Variants in RYR2 observed in about 807,000 individuals in gnomAD.
The protein encoded by RYR2 is cardiac muscle ryanodine receptor-calcium release channel.
In RYR2, 227 loss-of-function variants were observed where a neutral mutation model predicts 601.1. That is an observed-to-expected ratio of 0.38 (90% CI 0.34 to 0.42). The LOEUF (loss-of-function observed/expected upper bound fraction) is 0.42. RYR2 is among the 10% of genes least tolerant of loss of function. The pLI is 1.00. For missense variants in RYR2, 4,646 were observed against 6,156.5 expected (o/e 0.75, Z 8.21); for synonymous variants, 2,223 against 2,175.1 (o/e 1.02, Z -0.61).
intron 6 of RYR2, among the ~76,000 whole-genome samples, chr1:237,373,102 T>C (rs1700768204): frequency 1.3e-5 from 2 of 152,220 alleles, no homozygotes; most frequent in Non-Finnish European, 2.9e-5. Flanking sequence ...GTCTGATTAT[T>C]GCAAAGTTGT....
intron 14 of RYR2, among the ~76,000 whole-genome samples, chr1:237,449,319 G>T (rs182874652): frequency 5.9e-5 from 9 of 151,836 alleles, no homozygotes; most frequent in Non-Finnish European, 1.3e-4. Flanking sequence ...GGTTACTTAC[G>T]GTTTATAGCA....
At chr1:237,226,871 C>T (rs1278886712) in intron 1 of RYR2, among the ~76,000 whole-genome samples, 1 of 152,096 alleles carries the variant, frequency 6.6e-6, no homozygotes, top group Non-Finnish European at 1.5e-5. Context: ...CGGGTTCAAG[C>T]GATTCTCCAG....
intron 58 of RYR2, 51 bp downstream of exon 58, chr1:237,668,009 T>A: frequency 7.1e-7 from 1 of 1,400,854 alleles, no homozygotes. Context: ...CTCAATTCCA[T>A]GAGTGTATGG....
intron 87 of RYR2, among the ~76,000 whole-genome samples, chr1:237,778,132 G>A (rs186416799): frequency 0.011 from 1,617 of 152,210 alleles, 17 homozygotes; most frequent in Middle Eastern, 0.02. Context: ...TAATAAGCAA[G>A]TATTACTCTT....
rs142445834 is a variant in RYR2 at position 237,705,057 on chromosome 1, G to A, written c.9450-156G>A. Among the ~76,000 whole-genome samples the A allele has an allele frequency of 9.3e-4, 141 of 152,222 alleles. 2 individuals carry two copies. In the East Asian group the frequency reaches 0.024, roughly 26 times the overall value. ...AATGGTGAGGATATTGCTATTGAAA[G>A]CATATGATGTTTAGCAATACAGAAA... On this transcript the variant is annotated intron_variant, in intron 66 of 104. Coordinates refer to ENST00000366574, the MANE Select transcript of RYR2 (RefSeq NM_001035.3).
intron 3 of RYR2, among the ~76,000 whole-genome samples, chr1:237,349,101 T>C (rs1167198376): frequency 6.6e-6 from 1 of 152,180 alleles, no homozygotes; most frequent in African/African-American, 2.4e-5. Context: ...ATAGTGAGAT[T>C]CAAGATTACT....
chr1:237,138,506 A>G (rs1673051435), intron 1 of RYR2, among the ~76,000 whole-genome samples: 1 of 152,078 alleles, frequency 6.6e-6, no homozygotes, highest in Non-Finnish European at 1.5e-5. Context: ...TTATTTTCTT[A>G]TATGTGGAAA....
intron 85 of RYR2, among the ~76,000 whole-genome samples, chr1:237,771,142 G>T (rs1431605848): frequency 6.6e-6 from 1 of 152,082 alleles, no homozygotes; most frequent in Non-Finnish European, 1.5e-5. Flanking sequence ...GGGTGCGGTG[G>T]CTCACCTGTA....
At chr1:237,251,023 A>C (rs1051998155) in intron 1 of RYR2, among the ~76,000 whole-genome samples, 2 of 103,606 alleles carry the variant, frequency 1.9e-5, no homozygotes, top group African/African-American at 7.1e-5. Context: ...CCAATTCCCC[A>C]ACAGATGTGT....
intron 1 of RYR2, among the ~76,000 whole-genome samples, chr1:237,073,494 CTGAGTTGAGATG>C (rs902974306): frequency 2.0e-5 from 3 of 152,282 alleles, no homozygotes; most frequent in African/African-American, 7.2e-5. Flanking sequence ...TTTGGCCCCT[CTGAGTTGAGATG>C]TGCTGCAGGG....
chr1:237,381,554 T>C (rs904244954), intron 8 of RYR2, among the ~76,000 whole-genome samples: 9 of 152,242 alleles, frequency 5.9e-5, no homozygotes, highest in Non-Finnish European at 1.2e-4. Context: ...GATTTTTCTT[T>C]CACTAACAGC....
Position 237,417,090 on chromosome 1 carries a change from G to C in RYR2, c.815G>C (p.Arg272Pro). ...GGTGGCGCTGTGTCTGTTCATGCAC[G>C]TTCCCTTTGGAGACTAGAGACGCTA... ...YEGGAVSVHA[R>P]SLWRLETLRV... is the part of the protein sequence containing the mutation. Residue 272 changes from arginine to proline, a missense_variant, in exon 11 of 105, where the codon CGT (arginine) becomes CCT (proline). This residue lies in a region of RYR2 where 87 missense variants were observed against 144.7 expected (regional missense o/e 0.60). Coordinates refer to ENST00000366574, the MANE Select transcript of RYR2 (RefSeq NM_001035.3). The C allele has an allele frequency of 6.2e-7, 1 of 1,613,726 alleles. No homozygotes were observed. The highest frequency in any genetic ancestry group is 8.5e-7 in the Non-Finnish European group (1 of 1,179,740).
At chr1:237,128,386 G>T (rs866849768) in intron 1 of RYR2, among the ~76,000 whole-genome samples, 1 of 152,146 alleles carries the variant, frequency 6.6e-6, no homozygotes, top group Non-Finnish European at 1.5e-5. Flanking sequence ...GAGGCAGACC[G>T]TGGGGAGAGG....
At chr1:237,514,033 A>G (rs1271840775) in intron 24 of RYR2, among the ~76,000 whole-genome samples, 1 of 152,236 alleles carries the variant, frequency 6.6e-6, no homozygotes, top group African/African-American at 2.4e-5. Flanking sequence ...TGCTTGTAAT[A>G]AAGAATGCAT....
At chr1:237,730,861 T>G (rs1690618863) in intron 77 of RYR2, among the ~76,000 whole-genome samples, 1 of 152,102 alleles carries the variant, frequency 6.6e-6, no homozygotes, top group Non-Finnish European at 1.5e-5. Flanking sequence ...AAAGAGCTTG[T>G]GAGTTCAGCA....
chr1:237,295,379 G>T (rs1692652606), intron 2 of RYR2, among the ~76,000 whole-genome samples: 1 of 152,086 alleles, frequency 6.6e-6, no homozygotes, highest in Admixed American at 6.6e-5. Flanking sequence ...TGGTACAAAA[G>T]GGAAGGGGCC....
intron 1 of RYR2, among the ~76,000 whole-genome samples, chr1:237,160,564 T>G (rs879200397): frequency 2.0e-5 from 3 of 152,108 alleles, no homozygotes; most frequent in African/African-American, 4.8e-5. Flanking sequence ...TTTTGTTTTT[T>G]AATGGAAGGG....
chr1:237,148,298 G>A (rs915377958), intron 1 of RYR2, among the ~76,000 whole-genome samples: 3 of 151,738 alleles, frequency 2.0e-5, no homozygotes, highest in Non-Finnish European at 4.4e-5. Context: ...AGTGGGAGTT[G>A]AACAATGAGA....
intron 1 of RYR2, among the ~76,000 whole-genome samples, chr1:237,053,842 C>T (rs905368405): frequency 2.0e-5 from 3 of 152,122 alleles, no homozygotes; most frequent in African/African-American, 4.8e-5. Flanking sequence ...TTATCTAAGG[C>T]TTGGTGGAGG....
Sources: allele counts gnomAD v4.1 joint callset (sites outside exome capture counted in the v4.1 genomes callset), GRCh38; gene constraint gnomAD v4.1.1; regional missense constraint gnomAD v4.1.1; transcripts MANE v1.5; gene names NCBI Gene and HGNC (gene_info 2026-07-23, HGNC 2026-07-21).